The following PCDHGA1 variants were observed in gnomAD, a reference collection of about 807,000 sequenced individuals.
PCDHGA1 encodes protocadherin gamma subfamily A, 1.
A neutral mutation model predicts 58.0 loss-of-function variants in PCDHGA1; 32 were observed. The ratio of observed to expected loss-of-function variants is 0.55; its 90% CI spans 0.42 to 0.74. PCDHGA1 has a LOEUF of 0.74. Ranked by LOEUF, PCDHGA1 falls within the 30% of genes least tolerant of loss-of-function variation. PCDHGA1 has a pLI of 0.00. For synonymous variants in PCDHGA1, 498 were observed against 501.1 expected, an observed-to-expected ratio of 0.99 and a Z score of 0.08; for missense variants, 1,205 against 1,182.3, an observed-to-expected ratio of 1.02 and a Z score of -0.28.
chr5:141,431,012 G>A lies in PCDHGA1; in HGVS notation c.2422-63795G>A. On this transcript the variant is annotated intron_variant, in intron 1 of 3. Coordinates refer to ENST00000517417, the MANE Select transcript of PCDHGA1 (RefSeq NM_018912.3). This position sits in a 1 kb window ranked among gnomAD's most constrained non-coding sequence, Gnocchi z 4.8. The stretch of plus-strand genomic sequence containing the variant: ...CCTGAATCCGCGCAGCGGCAGCTTG[G>A]TCACGGCGGGCAGGATAGACCGGGA... 1 of 1,613,314 alleles carries A rather than the reference G, an allele frequency of 6.2e-7. No individual in the cohort carries two copies. Among genetic ancestry groups the A allele is most frequent in the South Asian group, 1.1e-5 (1 of 91,076 alleles).
intron 1 of PCDHGA1, chr5:141,427,227 A>G (rs111948686): frequency 8.8e-6 from 4 of 456,798 alleles, no homozygotes; most frequent in African/African-American, 4.0e-5. Flanking sequence ...CAGTTATACC[A>G]TGAGAGTAGA....
At chr5:141,342,197 GAA>G (rs1222597301) in intron 1 of PCDHGA1, 1 of 151,976 alleles carries the variant, frequency 6.6e-6, no homozygotes, top group Non-Finnish European at 1.5e-5. Flanking sequence ...TTTGCTTAAA[GAA>G]AAGATACAAA....
chr5:141,389,389 A>G, intron 1 of PCDHGA1: 1 of 1,613,668 alleles, frequency 6.2e-7, no homozygotes, highest in Non-Finnish European at 8.5e-7. Context: ...CTGTCATCCT[A>G]CGTGTCCATA....
Position 141,332,320 on chromosome 5 carries a change from G to T in PCDHGA1, c.1636G>T (p.Val546Leu), listed in dbSNP as rs188815514. The change falls in exon 1 of 4, where the codon GTG (valine) becomes TTG (leucine). Residue 546 changes from valine (V) to leucine (L), a missense_variant. Transcript: ENST00000517417. This position sits in a 1 kb window ranked among gnomAD's most constrained non-coding sequence, Gnocchi z 4.6. Reference protein sequence around the residue: ...DSGDPPLSSNVSLSLFLLDQN... With the variant: ...DSGDPPLSSNLSLSLFLLDQN... The stretch of plus-strand genomic sequence containing the variant: ...TGGGGATCCGCCCCTCAGCAGCAAC[G>T]TGTCTCTCAGCCTATTCCTGCTGGA... 4 of 1,614,170 alleles carry T rather than the reference G, an allele frequency of 2.5e-6. No individual in the cohort carries two copies. Among genetic ancestry groups the T allele is most frequent in the African/African-American group, 1.3e-5 (1 of 75,048 alleles).
Position 141,485,754 on chromosome 5 carries a change from T to A in PCDHGA1, c.2422-9053T>A, listed in dbSNP as rs770807249. ...AGCGACGGCAGCCTGGTCCCAGAGC[T>A]GCTCCTGGAGAAGCCTTTGGATCGA... On this transcript the variant is annotated intron_variant, in intron 1 of 3. Transcript: ENST00000517417. This position sits in a 1 kb window ranked among gnomAD's most constrained non-coding sequence, Gnocchi z 5.7. 1 of 1,614,236 alleles carries A rather than the reference T, an allele frequency of 6.2e-7. No individual in the cohort carries two copies. The highest frequency in any genetic ancestry group is 8.5e-7 in the Non-Finnish European group (1 of 1,180,044).
intron 1 of PCDHGA1, chr5:141,389,506 G>A: frequency 1.9e-6 from 3 of 1,613,112 alleles, no homozygotes; most frequent in Non-Finnish European, 2.5e-6. Context: ...CCAGCGCTCA[G>A]CGCGAACGTG....
chr5:141,509,024 C>T (rs2099873840), intron 3 of PCDHGA1, among the ~76,000 whole-genome samples: 1 of 152,108 alleles, frequency 6.6e-6, no homozygotes, highest in African/African-American at 2.4e-5. Flanking sequence ...GCTGCTCCCT[C>T]CCACTCAACC....
At chr5:141,408,274 G>T (rs773254664) in intron 1 of PCDHGA1, 2 of 1,611,590 alleles carry the variant, frequency 1.2e-6, no homozygotes, top group Non-Finnish European at 1.7e-6. Flanking sequence ...TGCTGCCTTT[G>T]TTCTACCCCA....
At chr5:141,420,050 C>T in intron 1 of PCDHGA1, 1 of 1,614,076 alleles carries the variant, frequency 6.2e-7, no homozygotes, top group Non-Finnish European at 8.5e-7. Flanking sequence ...TGAGTCAGTT[C>T]TCTGCTCCAA....
At chr5:141,428,155 G>A (rs767716956) in intron 1 of PCDHGA1, 7 of 1,581,618 alleles carry the variant, frequency 4.4e-6, no homozygotes, top group East Asian at 2.2e-5. Flanking sequence ...ACGGGAACCT[G>A]CTGGTTGCTG....
intron 1 of PCDHGA1, among the ~76,000 whole-genome samples, chr5:141,483,432 A>G (rs756227206): frequency 2.0e-5 from 3 of 152,200 alleles, no homozygotes; most frequent in African/African-American, 4.8e-5. Flanking sequence ...GAGGGAGCTG[A>G]CTACAATAAA....
chr5:141,430,830 G>C, intron 1 of PCDHGA1: 1 of 1,554,968 alleles, frequency 6.4e-7, no homozygotes, highest in Non-Finnish European at 8.7e-7. Context: ...GGGACTCTGT[G>C]GGAGACCGGA....
At chr5:141,344,871 A>G in intron 1 of PCDHGA1, 1 of 1,613,970 alleles carries the variant, frequency 6.2e-7, no homozygotes, top group Non-Finnish European at 8.5e-7. Flanking sequence ...AGTGTCTTAT[A>G]TTCTAGATAA....
intron 1 of PCDHGA1, among the ~76,000 whole-genome samples, chr5:141,447,463 C>T (rs1004772636): frequency 6.6e-6 from 1 of 152,142 alleles, no homozygotes; most frequent in African/African-American, 2.4e-5. Context: ...AGTTTTTCTT[C>T]ACCATCTGTA....
In PCDHGA1 at chr5:141,462,417, A is replaced by G. The variant is rs184240612; in HGVS notation, c.2422-32390A>G. 4.0e-4 allele frequency among the ~76,000 whole-genome samples: 61 copies of G among 152,300 alleles called. 1 individual carries two copies. The highest frequency in any genetic ancestry group is 3.2e-3 in the Admixed American group (49 of 15,300). ...TCTTTTATGGCACAGAATATGGTCT[A>G]TCTTGGTGAGTGTTGCTTACACACA... On this transcript the variant is annotated intron_variant, in intron 1 of 3. Transcript: ENST00000517417.
chr5:141,347,753 C>G (rs1588471504), intron 1 of PCDHGA1, among the ~76,000 whole-genome samples: 1 of 151,006 alleles, frequency 6.6e-6, no homozygotes, highest in South Asian at 2.1e-4. Flanking sequence ...GGCCACTGCA[C>G]TCCAGCTGGG....
intron 1 of PCDHGA1, among the ~76,000 whole-genome samples, chr5:141,363,604 C>T (rs907704240): frequency 6.6e-6 from 1 of 152,196 alleles, no homozygotes; most frequent in Non-Finnish European, 1.5e-5. Flanking sequence ...CAAACGCTGT[C>T]TGAGATAGTG....
At chr5:141,348,285 T>G (rs909214374) in intron 1 of PCDHGA1, among the ~76,000 whole-genome samples, 4 of 152,176 alleles carry the variant, frequency 2.6e-5, no homozygotes, top group African/African-American at 7.2e-5. Flanking sequence ...CAGAGTAAGG[T>G]GTATTCTCAC....
At chr5:141,408,806 C>T in intron 1 of PCDHGA1, 1 of 1,613,010 alleles carries the variant, frequency 6.2e-7, no homozygotes, top group Non-Finnish European at 8.5e-7. Flanking sequence ...ACTCCTAGAC[C>T]GGGAAGAACA....
Sources: gnomAD v4.1 joint callset for allele counts (sites outside exome capture counted in the v4.1 genomes callset) on GRCh38, gnomAD v4.1.1 for gene constraint, Gnocchi (gnomAD v3.1) non-coding constraint, MANE v1.5 for transcripts, NCBI Gene and HGNC (gene_info 2026-07-23, HGNC 2026-07-21) for gene names.